HADHA: variants seen among roughly 807,000 people sequenced by gnomAD.
HADHA encodes the protein hydroxyacyl-CoA dehydrogenase trifunctional multienzyme complex subunit alpha, also known as trifunctional enzyme subunit alpha, mitochondrial.
In HADHA, 59 loss-of-function variants were observed where a neutral mutation model predicts 91.3. The observed-to-expected ratio is 0.65, with a 90% CI of 0.52 to 0.80. HADHA has a LOEUF of 0.80. Ranked by LOEUF, HADHA falls within the 30% of genes least tolerant of loss-of-function variation. The probability of loss-of-function intolerance (pLI) is 0.00; values close to 1 mark genes in which losing one functional copy is unlikely to be tolerated. For missense variants in HADHA, 800 were observed against 927.6 expected, an observed-to-expected ratio of 0.86 and a Z score of 1.79; for synonymous variants, 320 against 338.9, an observed-to-expected ratio of 0.94 and a Z score of 0.61.
chr2:26,191,741 T>A lies in HADHA; in HGVS notation c.2001-113A>T, dbSNP rs539850142. The A allele has an allele frequency of 3.3e-5, 35 of 1,066,388 alleles. 1 individual carries two copies. In the South Asian group the frequency reaches 4.4e-4, roughly 14 times the overall value. 66.1% of individuals were successfully genotyped at this position (1,066,388 alleles called of 1,614,324 possible). A position where few individuals can be genotyped will look rare whatever the true frequency, so the allele number is the denominator to read the frequency against. On this transcript the variant is annotated intron_variant, in intron 18 of 19. Transcript: ENST00000380649. The stretch of plus-strand genomic sequence containing the variant: ...GTGCATGGGGAGCTCTGTGGGCCGG[T>A]TGGTGCTGGCCCTCAGAGAAGATGC...
intron 11 of HADHA, among the ~76,000 whole-genome samples, chr2:26,205,268 A>T (rs1054236997): frequency 1.3e-5 from 2 of 152,218 alleles, no homozygotes; most frequent in African/African-American, 4.8e-5. Flanking sequence ...CAGCACTGTT[A>T]TCCAAATTAG....
chr2:26,233,111 C>A (rs1287701577), intron 5 of HADHA, among the ~76,000 whole-genome samples: 3 of 152,170 alleles, frequency 2.0e-5, no homozygotes, highest in Admixed American at 2.0e-4. Context: ...TCTAATGCCA[C>A]TGTTGATATG....
intron 6 of HADHA, among the ~76,000 whole-genome samples, chr2:26,231,003 G>C (rs1332182510): frequency 6.6e-6 from 1 of 151,534 alleles, no homozygotes; most frequent in Non-Finnish European, 1.5e-5. Flanking sequence ...TCTTTAAAAA[G>C]AATTTTAAGC....
chr2:26,217,182 G>GA (rs570236502), intron 7 of HADHA, among the ~76,000 whole-genome samples: 44 of 144,580 alleles, frequency 3.0e-4, no homozygotes, highest in East Asian at 6.0e-4. Flanking sequence ...GACCCCGTCT[G>GA]AAAAAAAAAA....
chr2:26,219,561 C>A (rs1328081980), intron 7 of HADHA, among the ~76,000 whole-genome samples: 1 of 152,220 alleles, frequency 6.6e-6, no homozygotes, highest in Non-Finnish European at 1.5e-5. Context: ...TGAGGCCCAG[C>A]ATCTTTGCTC....
chr2:26,233,679 A>G (rs1670679877), intron 5 of HADHA, among the ~76,000 whole-genome samples: 1 of 152,252 alleles, frequency 6.6e-6, no homozygotes, highest in Admixed American at 6.5e-5. Flanking sequence ...AAAGGACATT[A>G]GAGATGCAGT....
intron 11 of HADHA, among the ~76,000 whole-genome samples, chr2:26,208,615 C>T (rs1377162099): frequency 6.6e-6 from 1 of 152,108 alleles, no homozygotes; most frequent in Non-Finnish European, 1.5e-5. Flanking sequence ...TCTATTTATG[C>T]CGTGCACAGG....
Position 26,217,251 on chromosome 2 carries a change from A to C in HADHA, c.677-2076T>G, listed in dbSNP as rs80045600. Among the ~76,000 whole-genome samples, 34 of 152,300 alleles carry C rather than the reference A, an allele frequency of 2.2e-4. No individual in the cohort carries two copies. The East Asian group carries it at 6.6e-3, about 29-fold the overall frequency. On this transcript the variant is annotated intron_variant, in intron 7 of 19. Coordinates refer to ENST00000380649, the MANE Select transcript of HADHA (RefSeq NM_000182.5). ...ATACACAGAAGAGGGAAACATCAGG[A>C]AACTTGAACACATGGCAGTAGAAAT...
intron 12 of HADHA, 62 bp from the exon 13 acceptor site, chr2:26,201,382 C>T: frequency 8.7e-7 from 1 of 1,155,458 alleles, no homozygotes; most frequent in Non-Finnish European, 1.3e-6. Context: ...ATTGAATGTC[C>T]ATGGGCCAGA....
Position 26,236,359 on chromosome 2 carries a change from GTATATA to G in HADHA, c.314+490_314+495del, listed in dbSNP as rs34905439. 1.0e-4 allele frequency among the ~76,000 whole-genome samples: 14 copies of G among 137,926 alleles called. No individual in the cohort carries two copies. The East Asian group carries it at 2.8e-3, about 28-fold the overall frequency. 90.5% of individuals were successfully genotyped at this position (137,926 alleles called of 152,430 possible). ...ACATGATGTGTGTGTGTGTGTGTGT[GTATATA>G]TATATATATATACTCTGTGTGTGTG... On this transcript the variant is annotated intron_variant, in intron 4 of 19. Transcript: ENST00000380649.
intron 12 of HADHA, among the ~76,000 whole-genome samples, chr2:26,201,751 G>A (rs144428181): frequency 4.6e-5 from 7 of 152,054 alleles, no homozygotes; most frequent in Admixed American, 1.3e-4. Context: ...TTTGCTTATC[G>A]CAAATATATA....
At chr2:26,212,717 T>C (rs1670132448) in intron 9 of HADHA, 91 bp from the exon 10 acceptor site, 1 of 859,580 alleles carries the variant, frequency 1.2e-6, no homozygotes, top group Admixed American at 1.7e-5. Context: ...TTGTTAGTCC[T>C]CAAAGAGTAA....
At chr2:26,235,837 G>A (rs1226005024) in intron 4 of HADHA, among the ~76,000 whole-genome samples, 1 of 152,178 alleles carries the variant, frequency 6.6e-6, no homozygotes, top group Non-Finnish European at 1.5e-5. Context: ...TTATGTATGT[G>A]TAAACAATTG....
At chr2:26,227,266 C>G (rs1245273119) in intron 7 of HADHA, among the ~76,000 whole-genome samples, 1 of 152,132 alleles carries the variant, frequency 6.6e-6, no homozygotes, top group South Asian at 2.1e-4. Flanking sequence ...AATCTCAGCA[C>G]TTTGGGAGGC....
Position 26,195,073 on chromosome 2 carries a change from C to G in HADHA, c.1620+19G>C, listed in dbSNP as rs780783706. 1.2e-6 allele frequency: 2 copies of G among 1,605,774 alleles called. No homozygotes were observed. The highest frequency in any genetic ancestry group is 1.7e-4 in the Middle Eastern group (1 of 6,048). On this transcript the variant is annotated intron_variant, in intron 15 of 19. Transcript: ENST00000380649. ...AGAACTTTTCAAAAACTCTGCAGCTCTGTTATACAGCCCCTTACCTTAACC... is the reference window on the plus strand; with the variant it reads ...AGAACTTTTCAAAAACTCTGCAGCTGTGTTATACAGCCCCTTACCTTAACC...
intron 13 of HADHA, among the ~76,000 whole-genome samples, chr2:26,198,260 G>C (rs1669733298): frequency 6.6e-6 from 1 of 152,060 alleles, no homozygotes; most frequent in Non-Finnish European, 1.5e-5. Context: ...TACCACTATA[G>C]TTGCAGCTAC....
intron 6 of HADHA, among the ~76,000 whole-genome samples, 170 bp downstream of exon 6, chr2:26,231,989 AT>A (rs1310365774): frequency 1.3e-5 from 2 of 149,732 alleles, no homozygotes; most frequent in African/African-American, 2.5e-5. Flanking sequence ...AAAAAAAAAA[AT>A]CTGTGGAATT....
chr2:26,195,055 T>C, intron 15 of HADHA, 37 bp downstream of exon 15: 1 of 1,580,604 alleles, frequency 6.3e-7, no homozygotes, highest in Non-Finnish European at 8.7e-7. Context: ...ATTAGAACTT[T>C]TCAAAAACTC....
chr2:26,208,373 T>C (rs1186592395), intron 11 of HADHA, among the ~76,000 whole-genome samples: 1 of 152,204 alleles, frequency 6.6e-6, no homozygotes, highest in Admixed American at 6.5e-5. Context: ...GGGTATTTTA[T>C]TGTTACATGG....
Sources: gnomAD v4.1 joint callset for allele counts (sites outside exome capture counted in the v4.1 genomes callset) on GRCh38, gnomAD v4.1.1 for gene constraint, MANE v1.5 for transcripts, NCBI Gene and HGNC (gene_info 2026-07-23, HGNC 2026-07-21) for gene names.